The following C3orf70 variants were observed in gnomAD, a reference collection of about 807,000 sequenced individuals.
The protein encoded by C3orf70 is chromosome 3 open reading frame 70, also known as UPF0524 protein C3orf70.
A neutral mutation model predicts 20.7 loss-of-function variants in C3orf70; 15 were observed. The observed-to-expected ratio is 0.72, with a 90% CI of 0.48 to 1.11. The LOEUF (loss-of-function observed/expected upper bound fraction) is 1.11. Ranked by LOEUF, C3orf70 falls within the 50% of genes most tolerant of loss-of-function variation. The pLI is 0.00. For synonymous variants in C3orf70, 161 were observed against 125.7 expected, an observed-to-expected ratio of 1.28 and a Z score of -1.88; for missense variants, 332 against 317.6, an observed-to-expected ratio of 1.05 and a Z score of -0.34.
Position 185,114,283 on chromosome 3 carries a change from GAGAAATATTC to G in C3orf70, c.197-30730_197-30721del, listed in dbSNP as rs879263380. Among the ~76,000 whole-genome samples, 6 of 151,676 alleles carry G rather than the reference GAGAAATATTC, an allele frequency of 4.0e-5. No individual in the cohort carries two copies. In the East Asian group the frequency reaches 7.7e-4, roughly 20 times the overall value. Reference sequence around the variant, plus strand: ...TGGTAACTTTGTTTTGTTATATGTTGAGAAATATTCAGAAATATTCAGATTAAATTAAAAG... The same window carrying G: ...TGGTAACTTTGTTTTGTTATATGTTGAGAAATATTCAGATTAAATTAAAAG... On this transcript the variant is annotated intron_variant, in intron 1 of 1. Coordinates refer to ENST00000335012, the MANE Select transcript of C3orf70 (RefSeq NM_001025266.3).
intron 1 of C3orf70, among the ~76,000 whole-genome samples, chr3:185,106,612 C>T (rs984112272): frequency 1.3e-5 from 2 of 152,240 alleles, no homozygotes; most frequent in Non-Finnish European, 2.9e-5. Flanking sequence ...CATGAGGGCC[C>T]GTCCCAGGCC....
chr3:185,127,628 T>C (rs974121804), intron 1 of C3orf70, among the ~76,000 whole-genome samples: 4 of 151,978 alleles, frequency 2.6e-5, no homozygotes, highest in African/African-American at 9.7e-5. Flanking sequence ...TTATTAGAGA[T>C]GAGGTTTCCC....
chr3:185,078,655 T>G lies in C3orf70; in HGVS notation c.*4352A>C, dbSNP rs1402764177. 2 of 152,158 alleles carry G rather than the reference T, an allele frequency of 1.3e-5. No homozygotes were observed. The highest frequency in any genetic ancestry group is 2.9e-5 in the Non-Finnish European group (2 of 68,028). 9.4% of individuals were successfully genotyped at this position (152,158 alleles called of 1,614,324 possible). A position where few individuals can be genotyped will look rare whatever the true frequency, so the allele number is the denominator to read the frequency against. The stretch of plus-strand genomic sequence containing the variant: ...TGAAAAGCCTAAAATATAACTGGCC[T>G]CCTCAGTTCTGGTTCACACCTCCTC... On this transcript the variant is annotated 3_prime_UTR_variant, in exon 2 of 2. Transcript: ENST00000335012.
chr3:185,134,440 G>A (rs1716581696), intron 1 of C3orf70, among the ~76,000 whole-genome samples: 1 of 152,096 alleles, frequency 6.6e-6, no homozygotes, highest in South Asian at 2.1e-4. Flanking sequence ...GACCAACTAG[G>A]AACCTCGGGG....
In C3orf70 at chr3:185,091,951, ATATATATATATATTTTTTTTT is replaced by A. The variant is rs1561331013; in HGVS notation, c.197-8409_197-8389del. Reference sequence around the variant, plus strand: ...TATATATATATATATATATATATATATATATATATATATTTTTTTTTTTTTTTAGTAGAGACAGGGTTTCAC... The same window carrying A: ...TATATATATATATATATATATATATATTTTTTAGTAGAGACAGGGTTTCAC... On this transcript the variant is annotated intron_variant, in intron 1 of 1. Coordinates refer to ENST00000335012, the MANE Select transcript of C3orf70 (RefSeq NM_001025266.3). Among the ~76,000 whole-genome samples the A allele has an allele frequency of 6.2e-3, 59 of 9,470 alleles. 1 individual carries two copies. The highest frequency in any genetic ancestry group is 0.029 in the African/African-American group (55 of 1,890). 6.2% of individuals were successfully genotyped at this position (9,470 alleles called of 152,430 possible).
chr3:185,100,200 T>G (rs1363954758), intron 1 of C3orf70, among the ~76,000 whole-genome samples: 3 of 152,182 alleles, frequency 2.0e-5, no homozygotes, highest in African/African-American at 7.2e-5. Flanking sequence ...CAAATGGACC[T>G]GATAGACATC....
At chr3:185,096,574 G>A (rs1280537684) in intron 1 of C3orf70, among the ~76,000 whole-genome samples, 2 of 152,290 alleles carry the variant, frequency 1.3e-5, no homozygotes, top group East Asian at 3.9e-4. Context: ...TACAGTGAAC[G>A]TGATGACACT....
At chr3:185,120,032 A>AG (rs199990849) in intron 1 of C3orf70, among the ~76,000 whole-genome samples, 8,557 of 149,128 alleles carry the variant, frequency 0.057, 410 homozygotes, top group South Asian at 0.1. Flanking sequence ...AAAAAAAAAA[A>AG]AAAAAAGAAA....
rs779811600 is a variant in C3orf70, at chr3:185,083,148, G to A, written c.612C>T (p.Asp204=). 88 of 1,613,954 alleles carry A rather than the reference G, an allele frequency of 5.5e-5. No individual in the cohort carries two copies. Among genetic ancestry groups the A allele is most frequent in the Non-Finnish European group, 6.8e-5 (80 of 1,180,024 alleles). Residue 204 remains aspartate, a synonymous_variant, in exon 2 of 2, where the codon GAC becomes GAT. Transcript: ENST00000335012. The part of the protein sequence containing the change: ...AIGAHYVESC[D]EDTEEGAELS... Reference sequence around the variant, plus strand: ...GTTCTGCTCCTTCTTCTGTGTCCTCGTCACACGATTCCACATAGTGAGCCC... The same window carrying A: ...GTTCTGCTCCTTCTTCTGTGTCCTCATCACACGATTCCACATAGTGAGCCC...
chr3:185,094,597 G>A (rs1416867076), intron 1 of C3orf70, among the ~76,000 whole-genome samples: 3 of 151,706 alleles, frequency 2.0e-5, no homozygotes, highest in Non-Finnish European at 2.9e-5. Flanking sequence ...CTACAGACAC[G>A]GCTAATTCCA....
rs1378339705 is a variant in C3orf70, at chr3:185,080,467, C to T, written c.*2540G>A. ...ATGGCTTTAGAAATCTGGTTGACTCCATTGGCTTAGTGGTGGGAATGTGGG... is the reference window on the plus strand; with the variant it reads ...ATGGCTTTAGAAATCTGGTTGACTCTATTGGCTTAGTGGTGGGAATGTGGG... On this transcript the variant is annotated 3_prime_UTR_variant, in exon 2 of 2. Coordinates refer to ENST00000335012, the MANE Select transcript of C3orf70 (RefSeq NM_001025266.3). 3 of 152,680 alleles carry T rather than the reference C, an allele frequency of 2.0e-5. No individual in the cohort carries two copies. Among genetic ancestry groups the T allele is most frequent in the Non-Finnish European group, 4.4e-5 (3 of 68,064 alleles). 9.5% of individuals were successfully genotyped at this position (152,680 alleles called of 1,614,324 possible). A position where few individuals can be genotyped will look rare whatever the true frequency, so the allele number is the denominator to read the frequency against.
chr3:185,083,935 G>A (rs1392030431), intron 1 of C3orf70, among the ~76,000 whole-genome samples: 5 of 152,170 alleles, frequency 3.3e-5, no homozygotes, highest in African/African-American at 9.7e-5. Context: ...ACAGCCGGGC[G>A]CAGTGGTTCA....
chr3:185,148,112 G>A (rs1363824494), intron 1 of C3orf70, among the ~76,000 whole-genome samples: 2 of 152,176 alleles, frequency 1.3e-5, no homozygotes, highest in African/African-American at 2.4e-5. Flanking sequence ...AAAGCTTAAT[G>A]GTTTTCTTTA....
intron 1 of C3orf70, among the ~76,000 whole-genome samples, chr3:185,141,029 C>A (rs1197730707): frequency 6.6e-6 from 1 of 151,596 alleles, no homozygotes; most frequent in Non-Finnish European, 1.5e-5. Context: ...CCTCTTTCCA[C>A]CAAGCGAGGA....
chr3:185,079,561 G>T lies in C3orf70; in HGVS notation c.*3446C>A, dbSNP rs1017390033. ...CCCTTATTTTTTAATATACCAAACA[G>T]TTGTAACCACAAAAGCACTGTAATC... On this transcript the variant is annotated 3_prime_UTR_variant, in exon 2 of 2. Transcript: ENST00000335012. 1.3e-5 allele frequency: 2 copies of T among 152,226 alleles called. No homozygotes were observed. The highest frequency in any genetic ancestry group is 2.9e-5 in the Non-Finnish European group (2 of 68,024). 9.4% of individuals were successfully genotyped at this position (152,226 alleles called of 1,614,324 possible). A position where few individuals can be genotyped will look rare whatever the true frequency, so the allele number is the denominator to read the frequency against.
At chr3:185,125,418 AACAACAACAAC>A (rs1716387039) in intron 1 of C3orf70, among the ~76,000 whole-genome samples, 1 of 141,510 alleles carries the variant, frequency 7.1e-6, no homozygotes, top group Non-Finnish European at 1.5e-5. Context: ...CAACAACAAC[AACAACAACAAC>A]AAAAACCAGT....
At chr3:185,095,671 G>A (rs747431354) in intron 1 of C3orf70, among the ~76,000 whole-genome samples, 2 of 151,646 alleles carry the variant, frequency 1.3e-5, no homozygotes, top group African/African-American at 2.4e-5. Context: ...GTAGGGGAAC[G>A]TGTCTGTATA....
chr3:185,152,209 G>A (rs1468236591), intron 1 of C3orf70, among the ~76,000 whole-genome samples: 2 of 152,100 alleles, frequency 1.3e-5, no homozygotes, highest in Non-Finnish European at 2.9e-5. Context: ...AGAAAAAGAG[G>A]AGCATCTTTA....
intron 1 of C3orf70, among the ~76,000 whole-genome samples, chr3:185,114,903 C>T (rs1716144839): frequency 6.6e-6 from 1 of 152,118 alleles, no homozygotes; most frequent in African/African-American, 2.4e-5. Flanking sequence ...AATAAGAAGC[C>T]CTAAACTCTG....
Sources: gnomAD v4.1 joint callset for allele counts (sites outside exome capture counted in the v4.1 genomes callset) on GRCh38, gnomAD v4.1.1 for gene constraint, MANE v1.5 for transcripts, NCBI Gene and HGNC (gene_info 2026-07-23, HGNC 2026-07-21) for gene names.